DPT: variants seen among roughly 807,000 people sequenced by gnomAD.
DPT encodes the protein dermatopontin.
A neutral mutation model predicts 31.2 loss-of-function variants in DPT; 21 were observed. The ratio of observed to expected loss-of-function variants is 0.67; its 90% CI spans 0.48 to 0.97. The LOEUF is 0.97. DPT is among the 50% of genes least tolerant of loss of function. The probability of loss-of-function intolerance (pLI) is 0.00; values close to 1 mark genes in which losing one functional copy is unlikely to be tolerated. For synonymous variants in DPT, 91 were observed against 86.9 expected (o/e 1.05, Z -0.26); for missense variants, 262 against 258.8 (o/e 1.01, Z -0.08).
At chr1:168,725,916 A>C (rs536430432) in intron 1 of DPT, among the ~76,000 whole-genome samples, 1 of 152,364 alleles carries the variant, frequency 6.6e-6, no homozygotes, top group East Asian at 1.9e-4. Flanking sequence ...CCCTGAGAAC[A>C]GACTAAGCCT....
chr1:168,716,995 A>G lies in DPT; in HGVS notation c.306-2649T>C, dbSNP rs925865244. On this transcript the variant is annotated intron_variant, in intron 1 of 3. Transcript: ENST00000367817. ...TTGGTTCCATGTCTTTGTTATTGCAAATAGTGCTGCAGTAAACATACCTGT... is the reference window on the plus strand; with the variant it reads ...TTGGTTCCATGTCTTTGTTATTGCAGATAGTGCTGCAGTAAACATACCTGT... Among the ~76,000 whole-genome samples the G allele has an allele frequency of 1.1e-4, 17 of 152,340 alleles. No individual in the cohort carries two copies. In the East Asian group the frequency reaches 2.1e-3, roughly 19 times the overall value.
chr1:168,696,809 T>A (rs1649478240), intron 3 of DPT, among the ~76,000 whole-genome samples, 194 bp from the exon 4 acceptor site: 1 of 152,158 alleles, frequency 6.6e-6, no homozygotes, highest in Non-Finnish European at 1.5e-5. Context: ...CAGGTCACCC[T>A]TGAAGGTGAC....
intron 2 of DPT, among the ~76,000 whole-genome samples, chr1:168,704,187 G>A (rs1041560939): frequency 2.6e-5 from 4 of 152,188 alleles, no homozygotes; most frequent in South Asian, 2.1e-4. Context: ...GAATTACTAG[G>A]TCACTTTAAG....
chr1:168,713,186 CT>C (rs1395134759), intron 2 of DPT, among the ~76,000 whole-genome samples: 2 of 152,164 alleles, frequency 1.3e-5, no homozygotes, highest in Non-Finnish European at 2.9e-5. Context: ...TGTTCACCCA[CT>C]GTAGAGGAGT....
intron 1 of DPT, among the ~76,000 whole-genome samples, chr1:168,722,034 C>T (rs1557851316): frequency 6.6e-6 from 1 of 152,144 alleles, no homozygotes. Context: ...ACAAATTCCT[C>T]AGGTTTTTTT....
intron 2 of DPT, among the ~76,000 whole-genome samples, chr1:168,703,176 G>T (rs1649641476): frequency 6.6e-6 from 1 of 152,204 alleles, no homozygotes; most frequent in Admixed American, 6.5e-5. Flanking sequence ...TTACCAAGTT[G>T]TGTGTTTTTT....
At chr1:168,709,341 A>C (rs1225224098) in intron 2 of DPT, among the ~76,000 whole-genome samples, 1 of 152,250 alleles carries the variant, frequency 6.6e-6, no homozygotes, top group Non-Finnish European at 1.5e-5. Flanking sequence ...TGTGGTTTGC[A>C]GACCACTAGA....
At chr1:168,704,938 G>C (rs939518463) in intron 2 of DPT, among the ~76,000 whole-genome samples, 3 of 152,134 alleles carry the variant, frequency 2.0e-5, no homozygotes, top group Non-Finnish European at 4.4e-5. Context: ...CAATATCATA[G>C]ACTGAGCTGC....
intron 1 of DPT, among the ~76,000 whole-genome samples, chr1:168,717,869 T>C (rs944079022): frequency 2.6e-5 from 4 of 152,202 alleles, no homozygotes; most frequent in Admixed American, 2.6e-4. Flanking sequence ...CAGCAAGCTA[T>C]ATGAGTGGAA....
At chr1:168,700,854 T>C (rs1649577202) in intron 3 of DPT, among the ~76,000 whole-genome samples, 163 bp downstream of exon 3, 1 of 151,958 alleles carries the variant, frequency 6.6e-6, no homozygotes, top group Admixed American at 6.6e-5. Flanking sequence ...CCTGCAGAAA[T>C]ATATGTGCAT....
At chr1:168,720,782 C>T (rs937582996) in intron 1 of DPT, among the ~76,000 whole-genome samples, 3 of 152,162 alleles carry the variant, frequency 2.0e-5, no homozygotes, top group Non-Finnish European at 2.9e-5. Flanking sequence ...TGGATGAGGT[C>T]TTAAATAGTA....
chr1:168,728,822 A>G, intron 1 of DPT, 48 bp downstream of exon 1: 1 of 1,594,724 alleles, frequency 6.3e-7, no homozygotes, highest in Non-Finnish European at 8.6e-7. Flanking sequence ...GAGGAGGGAT[A>G]TGCAGAGATG....
intron 2 of DPT, among the ~76,000 whole-genome samples, chr1:168,702,612 C>CTTTTTTTTTTTTT (rs10656421): frequency 7.6e-6 from 1 of 132,434 alleles, no homozygotes; most frequent in African/African-American, 2.8e-5. Flanking sequence ...AGGTAAATGT[C>CTTTTTTTTTTTTT]TTTTTTTTTT....
In DPT at chr1:168,696,298, C is replaced by T; in HGVS notation, c.*251G>A. 1 of 563,042 alleles carries T rather than the reference C, an allele frequency of 1.8e-6. No homozygotes were observed. The highest frequency in any genetic ancestry group is 1.9e-5 in the African/African-American group (1 of 53,228). The allele number at this position is 563,042 out of a possible 1,614,324, so 34.9% of individuals were successfully genotyped here. On this transcript the variant is annotated 3_prime_UTR_variant, in exon 4 of 4. Coordinates refer to ENST00000367817, the MANE Select transcript of DPT (RefSeq NM_001937.5). ...ACTGTATATGTGGTGTGCAAGGAAG[C>T]CATCATCAGTCATATAAAGCAGTTG... is the stretch of plus-strand genomic sequence containing the variant.
chr1:168,713,378 A>G (rs1220790414), intron 2 of DPT, among the ~76,000 whole-genome samples: 3 of 152,236 alleles, frequency 2.0e-5, no homozygotes, highest in Non-Finnish European at 4.4e-5. Flanking sequence ...CTGTGGAGTA[A>G]GCTGTCTGAT....
intron 1 of DPT, among the ~76,000 whole-genome samples, chr1:168,722,824 T>G (rs1650154295): frequency 1.3e-5 from 2 of 148,784 alleles, no homozygotes; most frequent in Admixed American, 1.3e-4. Flanking sequence ...CATTAACTTT[T>G]CAATACTTCA....
intron 2 of DPT, among the ~76,000 whole-genome samples, chr1:168,704,654 C>A (rs1649679326): frequency 6.6e-6 from 1 of 152,332 alleles, no homozygotes. Flanking sequence ...TACAGTTTCT[C>A]ACTTCACAGC....
intron 1 of DPT, among the ~76,000 whole-genome samples, chr1:168,727,151 G>A (rs1650264975): frequency 6.6e-6 from 1 of 152,216 alleles, no homozygotes; most frequent in Non-Finnish European, 1.5e-5. Context: ...TCAGCTGTCG[G>A]GTGGGAGCCC....
intron 1 of DPT, among the ~76,000 whole-genome samples, chr1:168,727,311 G>C (rs567067): frequency 0.75 from 114,827 of 152,130 alleles, 44,951 homozygotes; most frequent in African/African-American, 0.93. Context: ...CTATAAATGG[G>C]ATATACCCTT....
Sources: gnomAD v4.1 joint callset for allele counts (sites outside exome capture counted in the v4.1 genomes callset) on GRCh38, gnomAD v4.1.1 for gene constraint, MANE v1.5 for transcripts, NCBI Gene and HGNC (gene_info 2026-07-23, HGNC 2026-07-21) for gene names.